Variants in ST6GALNAC3 observed in about 807,000 individuals in gnomAD.
The protein encoded by ST6GALNAC3 is ST6 N-acetylgalactosaminide alpha-2,6-sialyltransferase 3, also known as alpha-N-acetylgalactosaminide alpha-2,6-sialyltransferase 3.
ST6GALNAC3 carries 25 observed loss-of-function variants against 32.7 expected under a neutral mutation model. The observed-to-expected ratio is 0.76, with a 90% confidence interval of 0.56 to 1.07. The LOEUF is 1.07. Among genes scored for constraint, ST6GALNAC3 ranks in the 50% least tolerant of loss-of-function variants. The pLI, the probability that ST6GALNAC3 is intolerant of heterozygous loss-of-function variation, is 0.00. For synonymous variants in ST6GALNAC3, 129 were observed against 133.1 expected, an observed-to-expected ratio of 0.97 and a Z score of 0.21; for missense variants, 355 against 382.4, an observed-to-expected ratio of 0.93 and a Z score of 0.60.
intron 1 of ST6GALNAC3, among the ~76,000 whole-genome samples, chr1:76,183,875 T>TATATATATATATATATATATATAC (rs1653357294): frequency 6.8e-6 from 1 of 146,832 alleles, no homozygotes. Flanking sequence ...TATATATATG[T>TATATATATATATATATATATATAC]ATGTTACTGA....
chr1:76,313,551 T>G (rs1646808850), intron 1 of ST6GALNAC3: 3 of 579,246 alleles, frequency 5.2e-6, no homozygotes. Context: ...GTACAAGGAA[T>G]ATAGTGAGAT....
intron 1 of ST6GALNAC3, among the ~76,000 whole-genome samples, chr1:76,272,406 A>G (rs1459203250): frequency 6.6e-6 from 1 of 152,050 alleles, no homozygotes; most frequent in African/African-American, 2.4e-5. Context: ...TCTAAACTAC[A>G]TCCTGTAAGA....
intron 3 of ST6GALNAC3, among the ~76,000 whole-genome samples, chr1:76,623,093 C>T (rs142201152): frequency 1.3e-4 from 19 of 151,752 alleles, no homozygotes; most frequent in Non-Finnish European, 2.5e-4. Flanking sequence ...GATGGCCTTT[C>T]GACATGAAGG....
chr1:76,467,032 T>C (rs1658680359), intron 3 of ST6GALNAC3, among the ~76,000 whole-genome samples: 1 of 152,092 alleles, frequency 6.6e-6, no homozygotes, highest in Non-Finnish European at 1.5e-5. Context: ...GTTGTTCAAG[T>C]ATGAATCTTT....
At chr1:76,272,196 G>A (rs1658883345) in intron 1 of ST6GALNAC3, among the ~76,000 whole-genome samples, 1 of 151,540 alleles carries the variant, frequency 6.6e-6, no homozygotes, top group African/African-American at 2.4e-5. Flanking sequence ...TGTGGTGGTG[G>A]GCGCCTGTAG....
chr1:76,355,308 A>T (rs1553183761), intron 2 of ST6GALNAC3, among the ~76,000 whole-genome samples: 1 of 152,220 alleles, frequency 6.6e-6, no homozygotes, highest in Non-Finnish European at 1.5e-5. Flanking sequence ...AAAGAAAGAA[A>T]ATAGAAATTA....
intron 1 of ST6GALNAC3, among the ~76,000 whole-genome samples, chr1:76,113,988 C>T (rs1048480198): frequency 3.5e-5 from 5 of 141,642 alleles, no homozygotes; most frequent in African/African-American, 5.7e-5. Context: ...CCACGCCCGG[C>T]TAATTTTTTT....
intron 1 of ST6GALNAC3, among the ~76,000 whole-genome samples, chr1:76,140,748 T>C (rs374889282): frequency 2.0e-5 from 3 of 150,442 alleles, no homozygotes; most frequent in Admixed American, 6.6e-5. Flanking sequence ...CCTGAGTGGC[T>C]GGGACTACAG....
At chr1:76,139,177 G>C (rs969149866) in intron 1 of ST6GALNAC3, among the ~76,000 whole-genome samples, 1 of 150,704 alleles carries the variant, frequency 6.6e-6, no homozygotes, top group Non-Finnish European at 1.5e-5. Flanking sequence ...CTGGGCGACA[G>C]AGCGAGACTC....
chr1:76,560,743 A>G (rs1665197971), intron 3 of ST6GALNAC3, among the ~76,000 whole-genome samples: 1 of 152,222 alleles, frequency 6.6e-6, no homozygotes, highest in Non-Finnish European at 1.5e-5. Context: ...TGGGAATGTA[A>G]ATTAGTACAA....
chr1:76,410,437 ACACT>A (rs1256630349), intron 2 of ST6GALNAC3, among the ~76,000 whole-genome samples: 1 of 152,042 alleles, frequency 6.6e-6, no homozygotes, highest in African/African-American at 2.4e-5. Context: ...TCTCTCTCAC[ACACT>A]CACACACACA....
intron 2 of ST6GALNAC3, among the ~76,000 whole-genome samples, chr1:76,383,662 G>C (rs765941144): frequency 5.3e-5 from 8 of 152,246 alleles, no homozygotes; most frequent in Non-Finnish European, 1.0e-4. Flanking sequence ...TGAAGAGTAA[G>C]AGAAAGGTTT....
At chr1:76,376,566 C>A (rs983503050) in intron 2 of ST6GALNAC3, among the ~76,000 whole-genome samples, 3 of 152,138 alleles carry the variant, frequency 2.0e-5, no homozygotes, top group Admixed American at 1.3e-4. Flanking sequence ...TAGTATGTAA[C>A]CTTTTGAGAT....
At chr1:76,200,970 G>A (rs1264953446) in intron 1 of ST6GALNAC3, among the ~76,000 whole-genome samples, 1 of 151,794 alleles carries the variant, frequency 6.6e-6, no homozygotes. Flanking sequence ...GACATTTGAA[G>A]ATTATTAATA....
chr1:76,371,992 G>A (rs1054314603), intron 2 of ST6GALNAC3, among the ~76,000 whole-genome samples: 1 of 152,158 alleles, frequency 6.6e-6, no homozygotes. Flanking sequence ...CTGGAGCATG[G>A]ATTTCTACCT....
At chr1:76,215,989 G>A (rs1655437566) in intron 1 of ST6GALNAC3, among the ~76,000 whole-genome samples, 1 of 152,152 alleles carries the variant, frequency 6.6e-6, no homozygotes, top group South Asian at 2.1e-4. Context: ...TTTATTGGCA[G>A]ATTCAACTTC....
intron 3 of ST6GALNAC3, among the ~76,000 whole-genome samples, chr1:76,429,193 G>A (rs908956915): frequency 3.9e-5 from 6 of 151,972 alleles, no homozygotes; most frequent in African/African-American, 1.4e-4. Context: ...TCAAGTTAGA[G>A]GTTTGATTGA....
intron 3 of ST6GALNAC3, among the ~76,000 whole-genome samples, chr1:76,623,517 TA>T (rs35901241): frequency 2.0e-5 from 3 of 151,060 alleles, no homozygotes; most frequent in Admixed American, 6.6e-5. Context: ...ATGTGGAAGG[TA>T]AAAAAAAATG....
intron 1 of ST6GALNAC3, among the ~76,000 whole-genome samples, chr1:76,081,285 T>TAAAAAAAA (rs10526487): frequency 1.7e-5 from 2 of 120,506 alleles, no homozygotes; most frequent in South Asian, 2.6e-4. Context: ...GCTGGTGAGC[T>TAAAAAAAA]AAAAAAAAAA....
Sources: gnomAD v4.1 joint callset for allele counts (sites outside exome capture counted in the v4.1 genomes callset) on GRCh38, gnomAD v4.1.1 for gene constraint, MANE v1.5 for transcripts, NCBI Gene and HGNC (gene_info 2026-07-23, HGNC 2026-07-21) for gene names.